Variants in INTS3 observed in about 807,000 individuals in gnomAD.
INTS3 encodes SOSS complex subunit A.
Under a neutral mutation model 146.3 loss-of-function variants are expected in INTS3, and 34 were observed. The ratio of observed to expected loss-of-function variants is 0.23; its 90% CI spans 0.18 to 0.31. The LOEUF (loss-of-function observed/expected upper bound fraction) is 0.31. Among genes scored for constraint, INTS3 ranks in the 10% least tolerant of loss-of-function variants. The pLI is 1.00. For missense variants in INTS3, 757 were observed against 1,304.2 expected, an observed-to-expected ratio of 0.58 and a Z score of 6.46; for synonymous variants, 475 against 494.9, an observed-to-expected ratio of 0.96 and a Z score of 0.53.
chr1:153,734,946 AGCTTCCC>A (rs1184389925), intron 1 of INTS3, among the ~76,000 whole-genome samples: 2 of 152,040 alleles, frequency 1.3e-5, no homozygotes, highest in African/African-American at 4.8e-5. Flanking sequence ...GCAATTGCTG[AGCTTCCC>A]GCAAATTGAA....
intron 9 of INTS3, among the ~76,000 whole-genome samples, chr1:153,755,262 TTTTG>T (rs895658656): frequency 1.8e-4 from 28 of 151,566 alleles, no homozygotes; most frequent in Admixed American, 1.5e-3. Context: ...TTTTTTTTGG[TTTTG>T]TTTGTTTGTA....
At chr1:153,771,626 G>A (rs188731816) in intron 25 of INTS3, among the ~76,000 whole-genome samples, 170 bp from the exon 26 acceptor site, 1 of 152,134 alleles carries the variant, frequency 6.6e-6, no homozygotes, top group South Asian at 2.1e-4. Context: ...TTCTCTCCTG[G>A]CTTCCACAGA....
At position 153,773,382 on chromosome 1, in the gene INTS3, A is replaced by C. The variant is rs1672989834; in HGVS notation, c.*112A>C. On this transcript the variant is annotated 3_prime_UTR_variant, in exon 30 of 30. Coordinates refer to ENST00000318967, the MANE Select transcript of INTS3 (RefSeq NM_023015.5). ...GGGGAAACACCCTTGCTGCATCCCC[A>C]AGCTCCCCCGGTGGAAGGAGGAGCT... 2 of 1,020,592 alleles carry C rather than the reference A, an allele frequency of 2.0e-6. No homozygotes were observed. The highest frequency in any genetic ancestry group is 1.5e-6 in the Non-Finnish European group (1 of 654,384). The allele number at this position is 1,020,592 out of a possible 1,614,324, so 63.2% of individuals were successfully genotyped here.
chr1:153,741,142 A>G, intron 2 of INTS3, 143 bp from the exon 3 acceptor site: 1 of 712,950 alleles, frequency 1.4e-6, no homozygotes, highest in East Asian at 2.5e-5. Context: ...ATCTCTTTTA[A>G]GAGAAGGAAA....
At chr1:153,740,256 C>T (rs1476070625) in intron 1 of INTS3, among the ~76,000 whole-genome samples, 5 of 151,944 alleles carry the variant, frequency 3.3e-5, no homozygotes, top group South Asian at 4.2e-4. Context: ...TGTGCCACTG[C>T]GCCTGGCTAA....
chr1:153,764,634 G>GT, intron 18 of INTS3, 56 bp from the exon 19 acceptor site: 1 of 1,308,510 alleles, frequency 7.6e-7, no homozygotes, highest in Non-Finnish European at 1.1e-6. Flanking sequence ...CTGGTCCTCC[G>GT]TATGTGCCAG....
chr1:153,761,710 A>G, intron 14 of INTS3, 34 bp downstream of exon 14: 2 of 1,479,614 alleles, frequency 1.4e-6, no homozygotes, highest in Non-Finnish European at 1.9e-6. Flanking sequence ...ACCTGTGTCA[A>G]AAGAGGGGCA....
rs1402877434 is a variant in INTS3, at chr1:153,757,304, G to C, written c.958-268G>C. Among the ~76,000 whole-genome samples the C allele has an allele frequency of 1.3e-5, 2 of 152,194 alleles. No homozygotes were observed. Reference sequence around the variant, plus strand: ...AAGAGCCAAAAACTGGACTGAAGTTGCAGTTGGGGGTAAATGTAGCCTGAG... The same window carrying C: ...AAGAGCCAAAAACTGGACTGAAGTTCCAGTTGGGGGTAAATGTAGCCTGAG... On this transcript the variant is annotated intron_variant, in intron 9 of 29. Transcript: ENST00000318967. This position sits in a 1 kb window ranked among gnomAD's most constrained non-coding sequence, Gnocchi z 4.0.
At chr1:153,758,542 T>C (rs1672248047) in intron 10 of INTS3, among the ~76,000 whole-genome samples, 1 of 152,042 alleles carries the variant, frequency 6.6e-6, no homozygotes, top group Non-Finnish European at 1.5e-5. Flanking sequence ...GCACGGTGGC[T>C]CACGCCTGTA....
intron 1 of INTS3, among the ~76,000 whole-genome samples, chr1:153,738,751 ATTAC>A (rs1671399972): frequency 6.6e-6 from 1 of 152,190 alleles, no homozygotes; most frequent in Non-Finnish European, 1.5e-5. Flanking sequence ...TGAATCAGTT[ATTAC>A]TTTCACCATT....
At chr1:153,734,199 TG>T (rs1671199669) in intron 1 of INTS3, among the ~76,000 whole-genome samples, 1 of 152,192 alleles carries the variant, frequency 6.6e-6, no homozygotes, top group African/African-American at 2.4e-5. Context: ...TGCCAGCAGT[TG>T]TTGGCATCTG....
Position 153,728,603 on chromosome 1 carries a change from C to T in INTS3, c.-32C>T, listed in dbSNP as rs761852824. 5.7e-6 allele frequency: 9 copies of T among 1,591,430 alleles called. No individual in the cohort carries two copies. The highest frequency in any genetic ancestry group is 2.3e-5 in the East Asian group (1 of 43,558). On this transcript the variant is annotated 5_prime_UTR_variant, in exon 1 of 30. Transcript: ENST00000318967. ...ATCTAGGACTGTCCATCCATCCACT[C>T]CCTGACCTTTTCCCGGCTCCTGGCT...
intron 1 of INTS3, among the ~76,000 whole-genome samples, chr1:153,737,854 A>G (rs1671362843): frequency 1.3e-5 from 2 of 152,086 alleles, no homozygotes; most frequent in South Asian, 4.2e-4. Context: ...TCACACTCTC[A>G]TTGTTTTTAA....
intron 20 of INTS3, chr1:153,767,390 GCCCT>G: frequency 2.8e-6 from 1 of 352,326 alleles, no homozygotes; most frequent in Non-Finnish European, 5.1e-6. Context: ...CCTGACCTGA[GCCCT>G]CCCTCTTCTG....
In INTS3 at chr1:153,770,286, C is replaced by T. The variant is rs750010596; in HGVS notation, c.2478C>T (p.Pro826=). The T allele has an allele frequency of 2.5e-6, 4 of 1,610,662 alleles. No homozygotes were observed. The highest frequency in any genetic ancestry group is 3.4e-6 in the Non-Finnish European group (4 of 1,176,840). ...ATATTCCCCTGGAGACCATAATCCC[C>T]ATCCTGCAGCACCTCAAATACAAGG... is the stretch of plus-strand genomic sequence containing the variant. The part of the protein sequence containing the change: ...AHNIPLETII[P]ILQHLKYKEH... The change falls in exon 24 of 30, where the codon CCC becomes CCT. Residue 826 remains proline, a synonymous_variant. Coordinates refer to ENST00000318967, the MANE Select transcript of INTS3 (RefSeq NM_023015.5).
At chr1:153,732,922 G>C (rs948532597) in intron 1 of INTS3, among the ~76,000 whole-genome samples, 1 of 151,476 alleles carries the variant, frequency 6.6e-6, no homozygotes, top group Non-Finnish European at 1.5e-5. Context: ...TCCTGCCTCA[G>C]CCTCCTGAGT....
In INTS3 at chr1:153,728,550, C is replaced by A; in HGVS notation, c.-85C>A. ...TCCCCAACTTGTTCCTCTTGCCCCC[C>A]AGTCCCTGGCAATCCAGAGATCCCG... On this transcript the variant is annotated 5_prime_UTR_variant, in exon 1 of 30. Transcript: ENST00000318967. 15 of 1,478,494 alleles carry A rather than the reference C, an allele frequency of 1.0e-5. No individual in the cohort carries two copies. The highest frequency in any genetic ancestry group is 1.3e-5 in the South Asian group (1 of 74,134). 91.6% of individuals were successfully genotyped at this position (1,478,494 alleles called of 1,614,324 possible).
chr1:153,746,332 T>C (rs1315716638), intron 3 of INTS3, among the ~76,000 whole-genome samples: 2 of 152,192 alleles, frequency 1.3e-5, no homozygotes, highest in Non-Finnish European at 2.9e-5. Context: ...GTATGACACT[T>C]CCTAAGATGG....
Position 153,759,626 on chromosome 1 carries a change from G to C in INTS3, c.1237+13G>C. 3 of 1,573,026 alleles carry C rather than the reference G, an allele frequency of 1.9e-6. No individual in the cohort carries two copies. Among genetic ancestry groups the C allele is most frequent in the Non-Finnish European group, 2.6e-6 (3 of 1,142,798 alleles). On this transcript the variant is annotated intron_variant, in intron 11 of 29. Transcript: ENST00000318967. ...ATTATGAACATAGGTATGTGACCAA[G>C]ACCAGGCGGCTCCACTTCCCCATCC...
Sources: gnomAD v4.1 joint callset for allele counts (sites outside exome capture counted in the v4.1 genomes callset) on GRCh38, gnomAD v4.1.1 for gene constraint, Gnocchi (gnomAD v3.1) non-coding constraint, MANE v1.5 for transcripts, NCBI Gene and HGNC (gene_info 2026-07-23, HGNC 2026-07-21) for gene names.